SBF2: variants seen among roughly 807,000 people sequenced by gnomAD.
SBF2 encodes the protein SET binding factor 2.
SBF2 carries 112 observed loss-of-function variants against 225.2 expected under a neutral mutation model. The ratio of observed to expected loss-of-function variants is 0.50; its 90% CI spans 0.43 to 0.58. The LOEUF (loss-of-function observed/expected upper bound fraction) is 0.58, where lower values mean the gene tolerates loss of function less well. Ranked by LOEUF, SBF2 falls within the 20% of genes least tolerant of loss-of-function variation. The pLI, the probability that SBF2 is intolerant of heterozygous loss-of-function variation, is 0.00. For missense variants in SBF2, 1,996 were observed against 2,206.2 expected, an observed-to-expected ratio of 0.90 and a Z score of 1.91; for synonymous variants, 763 against 773.3, an observed-to-expected ratio of 0.99 and a Z score of 0.22.
chr11:10,075,041 C>T (rs766383234), intron 2 of SBF2, among the ~76,000 whole-genome samples: 1 of 152,122 alleles, frequency 6.6e-6, no homozygotes, highest in Non-Finnish European at 1.5e-5. Flanking sequence ...ATGAGAACCC[C>T]TTACTTCACA....
At chr11:10,241,733 G>A (rs920206152) in intron 1 of SBF2, among the ~76,000 whole-genome samples, 4 of 151,950 alleles carry the variant, frequency 2.6e-5, no homozygotes, top group African/African-American at 4.8e-5. Context: ...CTGAAAATCC[G>A]AGAAGCAGAT....
chr11:10,181,028 G>A lies in SBF2; in HGVS notation c.141+12874C>T, dbSNP rs139520562. 2.2e-3 allele frequency among the ~76,000 whole-genome samples: 340 copies of A among 152,122 alleles called. 2 individuals are homozygous for A. Among genetic ancestry groups the A allele is most frequent in the African/African-American group, 8.0e-3 (332 of 41,524 alleles). ...AAAAGCTGCCAACTCTCTAAGCACC[G>A]AGTACTCATGTCATTACACTCTTCT... On this transcript the variant is annotated intron_variant, in intron 2 of 39. Transcript: ENST00000256190.
At chr11:10,259,377 T>C (rs2135508432) in intron 1 of SBF2, among the ~76,000 whole-genome samples, 2 of 152,318 alleles carry the variant, frequency 1.3e-5, no homozygotes, top group Middle Eastern at 6.8e-3. Flanking sequence ...AAGTGCTCTG[T>C]ACATAGAAAG....
intron 2 of SBF2, among the ~76,000 whole-genome samples, chr11:10,090,761 T>A (rs1255142345): frequency 5.4e-5 from 2 of 37,156 alleles, no homozygotes; most frequent in East Asian, 6.7e-4. Context: ...CAAGATTCCA[T>A]CTCAAAAAAA....
At chr11:10,182,848 A>C (rs184167308) in intron 2 of SBF2, among the ~76,000 whole-genome samples, 1 of 151,578 alleles carries the variant, frequency 6.6e-6, no homozygotes, top group South Asian at 2.1e-4. Context: ...GTCTCGTCTC[A>C]CTGCAACCTC....
At chr11:10,284,492 A>T (rs1044850217) in intron 1 of SBF2, among the ~76,000 whole-genome samples, 1 of 152,084 alleles carries the variant, frequency 6.6e-6, no homozygotes, top group Non-Finnish European at 1.5e-5. Context: ...TTAACTACCT[A>T]TGATGTACCA....
intron 2 of SBF2, among the ~76,000 whole-genome samples, chr11:10,088,878 T>C (rs185390072): frequency 6.6e-6 from 1 of 152,348 alleles, no homozygotes; most frequent in Non-Finnish European, 1.5e-5. Flanking sequence ...GCAAGGATTT[T>C]ATCTTTCTCA....
In SBF2 at chr11:9,992,976, G is replaced by A; in HGVS notation, c.1167+14C>T. On this transcript the variant is annotated intron_variant, in intron 11 of 39. Coordinates refer to ENST00000256190, the MANE Select transcript of SBF2 (RefSeq NM_030962.4). ...ATATTTTTTGGACAGATACAATATA[G>A]TACTCTATCTTACCTTGTGGAAATG... 2 of 1,533,076 alleles carry A rather than the reference G, an allele frequency of 1.3e-6. No individual in the cohort carries two copies. The highest frequency in any genetic ancestry group is 2.3e-5 in the East Asian group (1 of 44,400). 95.0% of individuals were successfully genotyped at this position (1,533,076 alleles called of 1,614,324 possible).
chr11:10,189,556 T>C (rs574148197), intron 2 of SBF2, among the ~76,000 whole-genome samples: 2 of 152,226 alleles, frequency 1.3e-5, no homozygotes, highest in South Asian at 4.2e-4. Flanking sequence ...ACAAGCTCTT[T>C]TTCCTCTCTT....
rs7128234 is a variant in SBF2 at position 10,001,038 on chromosome 11, A to C, written c.753-16T>G. Reference sequence around the variant, plus strand: ...ATAAGGATAACTGGAAATAATAAAAATATGCGTCAAATATATTTTTCTTTA... The same window carrying C: ...ATAAGGATAACTGGAAATAATAAAACTATGCGTCAAATATATTTTTCTTTA... On this transcript the variant is annotated splice_polypyrimidine_tract_variant and intron_variant, in intron 7 of 39. Coordinates refer to ENST00000256190, the MANE Select transcript of SBF2 (RefSeq NM_030962.4). 1.5e-6 allele frequency: 2 copies of C among 1,314,208 alleles called. No individual in the cohort carries two copies. The highest frequency in any genetic ancestry group is 2.2e-6 in the Non-Finnish European group (2 of 907,614). The allele number at this position is 1,314,208 out of a possible 1,614,324, so 81.4% of individuals were successfully genotyped here. A position where few individuals can be genotyped will look rare whatever the true frequency, so the allele number is the denominator to read the frequency against.
intron 14 of SBF2, among the ~76,000 whole-genome samples, chr11:9,967,493 T>G (rs1407494882): frequency 6.6e-6 from 1 of 152,186 alleles, no homozygotes; most frequent in Non-Finnish European, 1.5e-5. Flanking sequence ...ATTCTATTTA[T>G]ATAAAATGTC....
At chr11:10,290,977 C>T (rs1463013913) in intron 1 of SBF2, among the ~76,000 whole-genome samples, 1 of 152,022 alleles carries the variant, frequency 6.6e-6, no homozygotes, top group Non-Finnish European at 1.5e-5. Flanking sequence ...AGAACCAAGG[C>T]ATGGAAAGTA....
At chr11:9,978,278 C>T (rs1048623815) in intron 13 of SBF2, among the ~76,000 whole-genome samples, 1 of 152,154 alleles carries the variant, frequency 6.6e-6, no homozygotes, top group Non-Finnish European at 1.5e-5. Flanking sequence ...TTTGTCATCA[C>T]GGACTTCAGA....
chr11:9,785,177 G>C lies in SBF2; in HGVS notation c.5179C>G (p.Arg1727Gly), dbSNP rs750756174. ...SSISPSNGVE[R>G]RAATLYSQYT... is the part of the protein sequence containing the mutation. The stretch of plus-strand genomic sequence containing the variant: ...TGGCTATAGAGCGTGGCTGCTCTTC[G>C]CTCCACTCCATTGGATGGGGAGATG... The change falls in exon 37 of 40, where the codon CGA becomes GGA. Residue 1727 changes from arginine (R) to glycine (G), a missense_variant. Transcript: ENST00000256190. 2.5e-6 allele frequency: 4 copies of C among 1,613,914 alleles called. No individual in the cohort carries two copies. The highest frequency in any genetic ancestry group is 3.4e-6 in the Non-Finnish European group (4 of 1,180,030).
intron 16 of SBF2, chr11:9,929,222 G>A: frequency 5.5e-6 from 1 of 183,142 alleles, no homozygotes; most frequent in Non-Finnish European, 1.1e-5. Flanking sequence ...CTGGAAAGGT[G>A]AAAAAGCTCG....
At chr11:10,214,118 C>T (rs770419891) in intron 1 of SBF2, among the ~76,000 whole-genome samples, 2 of 152,160 alleles carry the variant, frequency 1.3e-5, no homozygotes, top group Admixed American at 6.5e-5. Flanking sequence ...ACACTATTGA[C>T]ATTTTGGGCC....
At chr11:9,947,507 G>A (rs1865631920) in intron 16 of SBF2, among the ~76,000 whole-genome samples, 1 of 152,162 alleles carries the variant, frequency 6.6e-6, no homozygotes, top group South Asian at 2.1e-4. Flanking sequence ...AGGGTGTGGT[G>A]ACTATATACT....
At chr11:10,077,413 C>A in intron 2 of SBF2, among the ~76,000 whole-genome samples, 1 of 152,162 alleles carries the variant, frequency 6.6e-6, no homozygotes, top group Non-Finnish European at 1.5e-5. Flanking sequence ...TACTACAAGG[C>A]TACAGTAACC....
At chr11:9,847,518 CAA>C (rs3072276) in intron 22 of SBF2, among the ~76,000 whole-genome samples, 50 of 137,350 alleles carry the variant, frequency 3.6e-4, no homozygotes, top group African/African-American at 1.2e-3. Flanking sequence ...GGAGGTTTTA[CAA>C]AAAAAAAAAA....
Sources: allele counts gnomAD v4.1 joint callset (sites outside exome capture counted in the v4.1 genomes callset), GRCh38; gene constraint gnomAD v4.1.1; transcripts MANE v1.5; gene names NCBI Gene and HGNC (gene_info 2026-07-23, HGNC 2026-07-21).